ACSF3: variants seen among roughly 807,000 people sequenced by gnomAD.
ACSF3 encodes the protein acyl-CoA synthetase family member 3, also known as malonate--CoA ligase ACSF3, mitochondrial.
In ACSF3, 78 loss-of-function variants were observed where a neutral mutation model predicts 53.2. The observed-to-expected ratio is 1.47, with a 90% CI of 1.22 to 1.77. ACSF3 has a LOEUF of 1.77. Ranked by LOEUF, ACSF3 falls within the 40% of genes most tolerant of loss-of-function variation. The probability of loss-of-function intolerance (pLI) is 0.00; values close to 1 mark genes in which losing one functional copy is unlikely to be tolerated. For missense variants in ACSF3, 937 were observed against 771.1 expected (o/e 1.22, Z -2.55); for synonymous variants, 414 against 333.1 (o/e 1.24, Z -2.65).
At chr16:89,151,099 C>T (rs111243767) in intron 10 of ACSF3, 19,719 of 1,250,050 alleles carry the variant, frequency 0.016, 463 homozygotes, top group East Asian at 0.13. Flanking sequence ...AACCTCGCCT[C>T]AGGCATGCGG....
intron 6 of ACSF3, among the ~76,000 whole-genome samples, chr16:89,119,386 G>A (rs1836839174): frequency 1.3e-5 from 2 of 152,214 alleles, no homozygotes; most frequent in African/African-American, 2.4e-5. Flanking sequence ...AACCACGGAC[G>A]CGGACAGCAG....
intron 8 of ACSF3, among the ~76,000 whole-genome samples, chr16:89,135,166 C>A (rs1008819318): frequency 6.6e-6 from 1 of 151,912 alleles, no homozygotes; most frequent in Non-Finnish European, 1.5e-5. Flanking sequence ...AAAAAGAGGC[C>A]CATTTTCATG....
chr16:89,114,213 C>A, intron 5 of ACSF3, 126 bp from the exon 6 acceptor site: 1 of 1,328,830 alleles, frequency 7.5e-7, no homozygotes, highest in Admixed American at 1.9e-5. Flanking sequence ...CCTGGGGCTC[C>A]TGCACTCGTG....
intron 7 of ACSF3, among the ~76,000 whole-genome samples, chr16:89,121,990 C>T (rs1180636085): frequency 2.0e-5 from 3 of 148,286 alleles, no homozygotes; most frequent in East Asian, 4.0e-4. Context: ...GGCCTGGGCC[C>T]CCCGCAGTGG....
chr16:89,118,558 C>G lies in ACSF3; in HGVS notation c.1127-2243C>G. Among the ~76,000 whole-genome samples, 3 of 62,944 alleles carry G rather than the reference C, an allele frequency of 4.8e-5. No homozygotes were observed. In the East Asian group the frequency reaches 9.8e-4, roughly 21 times the overall value. 41.3% of individuals were successfully genotyped at this position (62,944 alleles called of 152,430 possible). On this transcript the variant is annotated intron_variant, in intron 6 of 10. Transcript: ENST00000614302. The stretch of plus-strand genomic sequence containing the variant: ...CGCTGCTCAGTGCACTGTCCGTGCT[C>G]GGAAGAGAGAGAAGCTGGGTGGAGG...
Position 89,155,719 on chromosome 16 carries a change from A to G in ACSF3, c.*1512A>G, listed in dbSNP as rs1914647386. The G allele has an allele frequency of 4.4e-6, 2 of 454,038 alleles. No individual in the cohort carries two copies. The highest frequency in any genetic ancestry group is 8.8e-6 in the Non-Finnish European group (2 of 226,794). 28.1% of individuals were successfully genotyped at this position (454,038 alleles called of 1,614,324 possible). A position where few individuals can be genotyped will look rare whatever the true frequency, so the allele number is the denominator to read the frequency against. ...GCTAAGGAAATGCCTTCTGTTGGGAAAAGGTCAAATTTAACATAGCAAAAT... is the reference window on the plus strand; with the variant it reads ...GCTAAGGAAATGCCTTCTGTTGGGAGAAGGTCAAATTTAACATAGCAAAAT... On this transcript the variant is annotated 3_prime_UTR_variant, in exon 11 of 11. Coordinates refer to ENST00000614302, the MANE Select transcript of ACSF3 (RefSeq NM_001243279.3).
At chr16:89,126,242 G>C (rs1213640599) in intron 7 of ACSF3, among the ~76,000 whole-genome samples, 1 of 151,970 alleles carries the variant, frequency 6.6e-6, no homozygotes, top group African/African-American at 2.4e-5. Flanking sequence ...TTAAACTATT[G>C]TAAGTATGGC....
intron 4 of ACSF3, among the ~76,000 whole-genome samples, chr16:89,107,057 G>T (rs754041434): frequency 6.6e-6 from 1 of 152,256 alleles, no homozygotes; most frequent in African/African-American, 2.4e-5. Context: ...CTGCCATCTG[G>T]CAGGGTCTGT....
At chr16:89,128,693 T>G (rs993026192) in intron 7 of ACSF3, among the ~76,000 whole-genome samples, 3 of 152,252 alleles carry the variant, frequency 2.0e-5, no homozygotes, top group African/African-American at 7.2e-5. Flanking sequence ...TTCCATTATC[T>G]TTCTGTTACT....
intron 3 of ACSF3, among the ~76,000 whole-genome samples, chr16:89,101,634 G>T (rs950766541): frequency 3.9e-5 from 6 of 152,202 alleles, no homozygotes; most frequent in African/African-American, 1.4e-4. Context: ...ACCACTCACT[G>T]CCTGTGATGC....
chr16:89,096,574 C>T (rs2151388379), intron 1 of ACSF3, among the ~76,000 whole-genome samples: 1 of 152,308 alleles, frequency 6.6e-6, no homozygotes, highest in South Asian at 2.1e-4. Context: ...GGGGCTGGTT[C>T]CGTTTTCCAC....
At chr16:89,138,995 C>A (rs1008533993) in intron 8 of ACSF3, among the ~76,000 whole-genome samples, 7 of 152,238 alleles carry the variant, frequency 4.6e-5, no homozygotes, top group Admixed American at 3.9e-4. Flanking sequence ...GCGGTCCCCG[C>A]ATCCCGAGGG....
chr16:89,097,094 T>C (rs4782465), intron 1 of ACSF3, among the ~76,000 whole-genome samples: 109,488 of 152,220 alleles, frequency 0.72, 39,999 homozygotes, highest in Admixed American at 0.79. Flanking sequence ...GCGGGGTGAC[T>C]CAGGAATTTG....
At chr16:89,122,390 G>A (rs572303374) in intron 7 of ACSF3, 14 of 451,068 alleles carry the variant, frequency 3.1e-5, no homozygotes, top group Non-Finnish European at 5.4e-5. Context: ...AGCCCATGCT[G>A]TTGTCCTGAC....
Position 89,093,882 on chromosome 16 carries a change from C to A in ACSF3, c.-308C>A. On this transcript the variant is annotated 5_prime_UTR_variant, in exon 1 of 11. Coordinates refer to ENST00000614302, the MANE Select transcript of ACSF3 (RefSeq NM_001243279.3). ...GCGCCGGAACTGGTCCGGCCCGACTCACGACCCCGCGGGACCCGGCCGGAA... is the reference window on the plus strand; with the variant it reads ...GCGCCGGAACTGGTCCGGCCCGACTAACGACCCCGCGGGACCCGGCCGGAA... 3.1e-6 allele frequency: 1 copy of A among 321,782 alleles called. No individual in the cohort carries two copies. Among genetic ancestry groups the A allele is most frequent in the South Asian group, 2.2e-5 (1 of 46,346 alleles). The allele number at this position is 321,782 out of a possible 1,614,324, so 19.9% of individuals were successfully genotyped here.
intron 7 of ACSF3, chr16:89,122,446 G>A (rs1402726000): frequency 2.2e-6 from 1 of 446,752 alleles, no homozygotes; most frequent in Non-Finnish European, 4.5e-6. Flanking sequence ...GTACTAGGCT[G>A]CTGGCCACAC....
intron 10 of ACSF3, 140 bp from the exon 11 acceptor site, chr16:89,153,950 C>T: frequency 1.2e-6 from 1 of 824,616 alleles, no homozygotes; most frequent in Non-Finnish European, 2.0e-6. Context: ...GCCCGGTGCA[C>T]CTGCCTGGCC....
intron 4 of ACSF3, among the ~76,000 whole-genome samples, chr16:89,107,722 G>A (rs142558393): frequency 3.5e-4 from 53 of 152,264 alleles, no homozygotes; most frequent in Middle Eastern, 3.4e-3. Context: ...CCTTGGATCC[G>A]CAACTCCCAG....
intron 8 of ACSF3, among the ~76,000 whole-genome samples, chr16:89,142,527 C>G (rs749950191): frequency 1.1e-4 from 9 of 81,352 alleles, no homozygotes; most frequent in Non-Finnish European, 1.9e-4. Flanking sequence ...ATACCCACAC[C>G]TGCAGACACA....
Sources: gnomAD v4.1 joint callset for allele counts (sites outside exome capture counted in the v4.1 genomes callset) on GRCh38, gnomAD v4.1.1 for gene constraint, MANE v1.5 for transcripts, NCBI Gene and HGNC (gene_info 2026-07-23, HGNC 2026-07-21) for gene names.